The following B3GALT1 variants were observed in gnomAD, a reference collection of about 807,000 sequenced individuals.
B3GALT1 encodes UDP-Gal:betaGlcNAc beta 1,3-galactosyltransferase, polypeptide 1.
In B3GALT1, 10 loss-of-function variants were observed where a neutral mutation model predicts 23.2. The observed-to-expected ratio is 0.43, with a 90% CI of 0.27 to 0.73. The LOEUF (loss-of-function observed/expected upper bound fraction) is 0.73. Among genes scored for constraint, B3GALT1 ranks in the 30% least tolerant of loss-of-function variants. The pLI is 0.21. For synonymous variants in B3GALT1, 156 were observed against 141.5 expected (o/e 1.10, Z -0.73); for missense variants, 299 against 405.4 (o/e 0.74, Z 2.25).
At chr2:167,654,873 A>G (rs1685931045) in intron 3 of B3GALT1, among the ~76,000 whole-genome samples, 1 of 150,902 alleles carries the variant, frequency 6.6e-6, no homozygotes, top group African/African-American at 2.4e-5. Flanking sequence ...GACCTTTTAT[A>G]GTCCCTCTCC....
intron 4 of B3GALT1, among the ~76,000 whole-genome samples, chr2:167,821,526 C>T (rs1289973265): frequency 6.6e-6 from 1 of 151,076 alleles, no homozygotes; most frequent in Non-Finnish European, 1.5e-5. Context: ...CCTCTGCCTC[C>T]TGGGTTCAAG....
At chr2:167,440,534 G>A (rs1254961476) in intron 1 of B3GALT1, among the ~76,000 whole-genome samples, 1 of 151,792 alleles carries the variant, frequency 6.6e-6, no homozygotes, top group Non-Finnish European at 1.5e-5. Flanking sequence ...ATTATTTCAT[G>A]TTTTAGATTA....
chr2:167,354,061 G>T (rs1158200094), intron 1 of B3GALT1, among the ~76,000 whole-genome samples: 1 of 152,088 alleles, frequency 6.6e-6, no homozygotes, highest in Non-Finnish European at 1.5e-5. Flanking sequence ...ACTCACCTGC[G>T]GGATGCAGTA....
At chr2:167,790,830 C>A (rs1688426426) in intron 3 of B3GALT1, among the ~76,000 whole-genome samples, 1 of 152,146 alleles carries the variant, frequency 6.6e-6, no homozygotes, top group Non-Finnish European at 1.5e-5. Context: ...CAATTTTGCA[C>A]CTTTTAATGG....
chr2:167,462,269 A>G (rs1699269531), intron 1 of B3GALT1, among the ~76,000 whole-genome samples: 1 of 152,142 alleles, frequency 6.6e-6, no homozygotes, highest in Non-Finnish European at 1.5e-5. Flanking sequence ...CTGTCTTACA[A>G]GCTTCCTGAG....
chr2:167,548,683 T>TGAGTGTGTGTGTGTGTGTGTGTGA (rs1553466231), intron 2 of B3GALT1, among the ~76,000 whole-genome samples: 51 of 125,742 alleles, frequency 4.1e-4, no homozygotes, highest in East Asian at 3.7e-3. Flanking sequence ...GACGTGTGTG[T>TGAGTGTGTGTGTGTGTGTGTGTGA]GAGTGTGTGT....
intron 2 of B3GALT1, among the ~76,000 whole-genome samples, chr2:167,552,186 T>TCC (rs2105381524): frequency 6.6e-6 from 1 of 152,304 alleles, no homozygotes; most frequent in Admixed American, 6.5e-5. Context: ...AGTCTTCACA[T>TCC]CTTCGACCCT....
At chr2:167,783,200 A>T (rs549629070) in intron 3 of B3GALT1, among the ~76,000 whole-genome samples, 10 of 146,540 alleles carry the variant, frequency 6.8e-5, no homozygotes, top group South Asian at 2.2e-4. Flanking sequence ...AGAGGTATTT[A>T]AAAAAAAAAA....
intron 1 of B3GALT1, among the ~76,000 whole-genome samples, chr2:167,367,725 GA>G (rs1451238264): frequency 6.6e-6 from 1 of 152,046 alleles, no homozygotes; most frequent in East Asian, 1.9e-4. Flanking sequence ...TCAAAAATTT[GA>G]GCAAGTCCTT....
intron 4 of B3GALT1, among the ~76,000 whole-genome samples, chr2:167,857,053 CAA>C (rs1444699001): frequency 6.6e-6 from 1 of 152,076 alleles, no homozygotes; most frequent in Non-Finnish European, 1.5e-5. Flanking sequence ...AAAACATTTC[CAA>C]AGAGTTTTTA....
At chr2:167,606,108 G>A (rs1318034813) in intron 2 of B3GALT1, among the ~76,000 whole-genome samples, 1 of 152,128 alleles carries the variant, frequency 6.6e-6, no homozygotes, top group Non-Finnish European at 1.5e-5. Context: ...AATTTCATTG[G>A]AACAATTTTC....
chr2:167,495,893 T>G (rs1699777059), intron 2 of B3GALT1, among the ~76,000 whole-genome samples: 1 of 152,198 alleles, frequency 6.6e-6, no homozygotes, highest in South Asian at 2.1e-4. Context: ...TATTAATGTT[T>G]ATTAAAAGGA....
At chr2:167,795,922 G>A (rs1688539263) in intron 3 of B3GALT1, among the ~76,000 whole-genome samples, 1 of 152,194 alleles carries the variant, frequency 6.6e-6, no homozygotes, top group Non-Finnish European at 1.5e-5. Flanking sequence ...CCTGGGCAGT[G>A]CATTCATATC....
rs565502617 is a variant in B3GALT1 at position 167,819,963 on chromosome 2, G to A, written c.-230+1170G>A. ...TTGTTTCAGCCCCTGACAGTGAGTC[G>A]CAAGAGGACCCTCTGATGAGGAGCA... On this transcript the variant is annotated intron_variant, in intron 4 of 4. Transcript: ENST00000392690. Among the ~76,000 whole-genome samples the A allele has an allele frequency of 1.4e-4, 21 of 152,300 alleles. No homozygotes were observed. In the South Asian group the frequency reaches 1.9e-3, roughly 14 times the overall value.
chr2:167,712,042 T>C (rs990598608), intron 3 of B3GALT1, among the ~76,000 whole-genome samples: 24 of 152,342 alleles, frequency 1.6e-4, no homozygotes, highest in Non-Finnish European at 2.6e-4. Flanking sequence ...AGATTTTTTT[T>C]CCCCAATGTT....
chr2:167,451,953 G>A (rs1355268414), intron 1 of B3GALT1, among the ~76,000 whole-genome samples: 1 of 152,124 alleles, frequency 6.6e-6, no homozygotes, highest in African/African-American at 2.4e-5. Context: ...CGTGCAGGCT[G>A]CCAGGGAAGT....
At chr2:167,834,515 T>C (rs1401510768) in intron 4 of B3GALT1, among the ~76,000 whole-genome samples, 1 of 152,250 alleles carries the variant, frequency 6.6e-6, no homozygotes, top group Non-Finnish European at 1.5e-5. Context: ...GGTTAGATTC[T>C]GCTGGCTCTT....
intron 3 of B3GALT1, among the ~76,000 whole-genome samples, chr2:167,799,182 A>G (rs1023388642): frequency 6.6e-6 from 1 of 152,152 alleles, no homozygotes; most frequent in Non-Finnish European, 1.5e-5. Flanking sequence ...TGAGCAAGAC[A>G]TTATCAGATT....
chr2:167,380,527 T>C (rs1001824288), intron 1 of B3GALT1, among the ~76,000 whole-genome samples: 2 of 151,956 alleles, frequency 1.3e-5, no homozygotes, highest in African/African-American at 4.8e-5. Flanking sequence ...GGCATCCCAA[T>C]CTCTGGCCCC....
Sources: gnomAD v4.1 joint callset for allele counts (sites outside exome capture counted in the v4.1 genomes callset) on GRCh38, gnomAD v4.1.1 for gene constraint, MANE v1.5 for transcripts, NCBI Gene and HGNC (gene_info 2026-07-23, HGNC 2026-07-21) for gene names.